SYT1: variants seen among roughly 807,000 people sequenced by gnomAD.
The protein encoded by SYT1 is synaptotagmin-1.
SYT1 carries 8 observed loss-of-function variants against 44.8 expected under a neutral mutation model. The observed-to-expected ratio is 0.18, with a 90% CI of 0.10 to 0.32. The LOEUF (loss-of-function observed/expected upper bound fraction) is 0.32. Among genes scored for constraint, SYT1 ranks in the 10% least tolerant of loss-of-function variants. The probability of loss-of-function intolerance (pLI) is 1.00; values close to 1 mark genes in which losing one functional copy is unlikely to be tolerated. For synonymous variants in SYT1, 154 were observed against 188.8 expected (o/e 0.82, Z 1.51); for missense variants, 286 against 509.3 (o/e 0.56, Z 4.22).
chr12:79,140,123 C>T (rs889185042), intron 3 of SYT1, among the ~76,000 whole-genome samples: 1 of 152,200 alleles, frequency 6.6e-6, no homozygotes, highest in African/African-American at 2.4e-5. Context: ...GAAGACCATG[C>T]TAATGTTGAA....
chr12:79,150,474 A>G (rs140240956), intron 3 of SYT1, among the ~76,000 whole-genome samples: 3 of 152,332 alleles, frequency 2.0e-5, no homozygotes, highest in East Asian at 3.9e-4. Context: ...GACTTTGGTC[A>G]AAGGATACAA....
intron 2 of SYT1, among the ~76,000 whole-genome samples, chr12:79,043,352 G>C (rs1873739106): frequency 6.6e-6 from 1 of 151,142 alleles, no homozygotes. Flanking sequence ...AGCTCTTCTT[G>C]TTGAATTGAT....
intron 1 of SYT1, among the ~76,000 whole-genome samples, chr12:78,965,731 A>G (rs1879733702): frequency 6.6e-6 from 1 of 152,054 alleles, no homozygotes; most frequent in Admixed American, 6.6e-5. Flanking sequence ...CCATCATGTG[A>G]TACTCTCTCA....
At chr12:79,079,531 A>T (rs1473360052) in intron 3 of SYT1, among the ~76,000 whole-genome samples, 2 of 152,060 alleles carry the variant, frequency 1.3e-5, no homozygotes, top group African/African-American at 4.8e-5. Context: ...ATTTAAATTA[A>T]TTACCTAGAT....
At chr12:79,139,346 CT>C (rs1406238825) in intron 3 of SYT1, among the ~76,000 whole-genome samples, 1 of 152,132 alleles carries the variant, frequency 6.6e-6, no homozygotes, top group East Asian at 1.9e-4. Context: ...GCTTGAAAGG[CT>C]ATAGATGAGC....
Position 79,326,411 on chromosome 12 carries a change from G to A in SYT1, c.810+26860G>A, listed in dbSNP as rs141165893. 5.2e-3 allele frequency among the ~76,000 whole-genome samples: 791 copies of A among 152,340 alleles called. 4 individuals carry two copies. The highest frequency in any genetic ancestry group is 7.7e-3 in the Non-Finnish European group (527 of 68,028). Reference sequence around the variant, plus strand: ...AGCTGAGAAGGAGCCAAGTGGCAAGGCAGAATGAGATGCGGTCATTAGAGC... The same window carrying A: ...AGCTGAGAAGGAGCCAAGTGGCAAGACAGAATGAGATGCGGTCATTAGAGC... On this transcript the variant is annotated intron_variant, in intron 8 of 10. Coordinates refer to ENST00000261205, the MANE Select transcript of SYT1 (RefSeq NM_005639.3).
chr12:79,326,208 C>G (rs954094376), intron 8 of SYT1, among the ~76,000 whole-genome samples: 2 of 152,136 alleles, frequency 1.3e-5, no homozygotes, highest in African/African-American at 2.4e-5. Flanking sequence ...TATTACTTTT[C>G]CTCTCAATGT....
intron 3 of SYT1, among the ~76,000 whole-genome samples, chr12:79,102,280 C>G (rs1237616316): frequency 6.6e-6 from 1 of 152,018 alleles, no homozygotes; most frequent in Admixed American, 6.6e-5. Context: ...TTCTCTCTCT[C>G]TCTCTCTCTG....
intron 8 of SYT1, among the ~76,000 whole-genome samples, chr12:79,299,962 G>C (rs1165650999): frequency 1.3e-5 from 2 of 152,106 alleles, no homozygotes; most frequent in Non-Finnish European, 2.9e-5. Flanking sequence ...GAAATAAAAT[G>C]GTACTTTTTC....
intron 9 of SYT1, among the ~76,000 whole-genome samples, chr12:79,438,774 C>G (rs902961896): frequency 1.4e-4 from 22 of 152,180 alleles, no homozygotes; most frequent in African/African-American, 5.3e-4. Flanking sequence ...AGTCAGTGTT[C>G]TAGGTCTCCA....
rs137982329 is a variant in SYT1 at position 78,919,652 on chromosome 12, G to T, written c.-217+54543G>T. On this transcript the variant is annotated intron_variant, in intron 1 of 10. Transcript: ENST00000261205. The stretch of plus-strand genomic sequence containing the variant: ...GCATGTATATTTACTGCTTCCTTTG[G>T]CTTCTAGTGAAGGCATTTCTCATAT... Among the ~76,000 whole-genome samples, 104 of 152,096 alleles carry T rather than the reference G, an allele frequency of 6.8e-4. 1 individual carries two copies. In the East Asian group the frequency reaches 0.017, roughly 24 times the overall value.
At chr12:79,113,754 T>A (rs1879137185) in intron 3 of SYT1, among the ~76,000 whole-genome samples, 1 of 152,066 alleles carries the variant, frequency 6.6e-6, no homozygotes, top group South Asian at 2.1e-4. Context: ...TAATAAAAGA[T>A]CTGCTCACCA....
chr12:78,996,962 A>T (rs1368521435), intron 2 of SYT1, among the ~76,000 whole-genome samples: 1 of 152,200 alleles, frequency 6.6e-6, no homozygotes, highest in African/African-American at 2.4e-5. Flanking sequence ...CAAAAAAGAC[A>T]CTGGGCTATC....
intron 9 of SYT1, among the ~76,000 whole-genome samples, chr12:79,399,283 A>T (rs924374520): frequency 6.3e-5 from 9 of 142,498 alleles, no homozygotes; most frequent in African/African-American, 2.3e-4. Context: ...ATCTGCAGTA[A>T]TTTGAATTTT....
chr12:78,956,379 C>T (rs1879219517), intron 1 of SYT1, among the ~76,000 whole-genome samples: 1 of 151,762 alleles, frequency 6.6e-6, no homozygotes, highest in Admixed American at 6.6e-5. Context: ...TTTAACTTCC[C>T]TGAGCCTCAG....
chr12:79,410,459 T>A (rs1013447444), intron 9 of SYT1, among the ~76,000 whole-genome samples: 1 of 127,430 alleles, frequency 7.8e-6, no homozygotes, highest in Non-Finnish European at 1.6e-5. Context: ...TTTCCACTTA[T>A]CACTACAGAT....
chr12:79,233,949 C>T (rs1876023434), intron 4 of SYT1, among the ~76,000 whole-genome samples: 1 of 152,186 alleles, frequency 6.6e-6, no homozygotes. Flanking sequence ...CTCTGGATTA[C>T]TTGATTTGGC....
At chr12:78,902,452 C>T (rs1054990241) in intron 1 of SYT1, among the ~76,000 whole-genome samples, 1 of 151,972 alleles carries the variant, frequency 6.6e-6, no homozygotes, top group Non-Finnish European at 1.5e-5. Context: ...TATAAACAGC[C>T]ATCTACCAGT....
intron 1 of SYT1, among the ~76,000 whole-genome samples, chr12:78,960,878 T>G (rs1399151225): frequency 6.6e-6 from 1 of 152,178 alleles, no homozygotes; most frequent in East Asian, 1.9e-4. Context: ...TGTTCACATG[T>G]TAGCACTTTG....
Sources: gnomAD v4.1 joint callset for allele counts (sites outside exome capture counted in the v4.1 genomes callset) on GRCh38, gnomAD v4.1.1 for gene constraint, MANE v1.5 for transcripts, NCBI Gene and HGNC (gene_info 2026-07-23, HGNC 2026-07-21) for gene names.